Variants in FYB1 observed in about 807,000 individuals in gnomAD.
FYB1 encodes FYN binding protein 1.
A neutral mutation model predicts 94.1 loss-of-function variants in FYB1; 41 were observed. That is an observed-to-expected ratio of 0.44 (90% CI 0.34 to 0.57). FYB1 has a LOEUF of 0.57. FYB1 is among the 20% of genes least tolerant of loss of function. The pLI is 0.02. For missense variants in FYB1, 1,050 were observed against 976.8 expected (o/e 1.07, Z -1.00); for synonymous variants, 367 against 353.2 (o/e 1.04, Z -0.44).
chr5:39,189,648 G>A (rs941958957), intron 2 of FYB1, among the ~76,000 whole-genome samples: 1 of 152,050 alleles, frequency 6.6e-6, no homozygotes, highest in African/African-American at 2.4e-5. Context: ...AAAGAAATGA[G>A]GAAAAGAAAA....
intron 2 of FYB1, among the ~76,000 whole-genome samples, chr5:39,180,299 A>C (rs534789359): frequency 6.6e-6 from 1 of 152,240 alleles, no homozygotes; most frequent in African/African-American, 2.4e-5. Flanking sequence ...GAGTGTTTCT[A>C]CTCAAGCCTT....
At chr5:39,140,947 A>T in intron 4 of FYB1, 148 bp downstream of exon 4, 2 of 622,748 alleles carry the variant, frequency 3.2e-6, no homozygotes, top group Non-Finnish European at 5.8e-6. Flanking sequence ...AGTCATGAGG[A>T]TAAGAGGGAA....
At chr5:39,143,492 T>C (rs1742368985) in intron 3 of FYB1, among the ~76,000 whole-genome samples, 1 of 152,264 alleles carries the variant, frequency 6.6e-6, no homozygotes, top group Non-Finnish European at 1.5e-5. Context: ...GTCAGTGTCC[T>C]GGTAATCAGA....
chr5:39,127,955 A>AT, intron 10 of FYB1, 148 bp from the exon 11 acceptor site: 1 of 769,046 alleles, frequency 1.3e-6, no homozygotes, highest in Non-Finnish European at 1.9e-6. Flanking sequence ...CACTTTGTTG[A>AT]TTATTTTATA....
At chr5:39,138,613 T>C in intron 6 of FYB1, 44 bp downstream of exon 6, 1 of 1,239,836 alleles carries the variant, frequency 8.1e-7, no homozygotes, top group Non-Finnish European at 1.2e-6. Flanking sequence ...AACATTATAT[T>C]CATCTTTGAA....
At position 39,227,823 on chromosome 5, in the gene FYB1, T is replaced by A. The variant is rs139869329; in HGVS notation, c.-27-24836A>T. Among the ~76,000 whole-genome samples the A allele has an allele frequency of 2.7e-3, 416 of 152,276 alleles. 2 individuals are homozygous for A. The highest frequency in any genetic ancestry group is 0.01 in the Middle Eastern group (3 of 294). On this transcript the variant is annotated intron_variant, in intron 1 of 1. Transcript: ENST00000510188. Reference sequence around the variant, plus strand: ...ATAACACGCATAAAGCTTTCCTTCATCAGGCCTCATTGAGTCATGAGCTTT... The same window carrying A: ...ATAACACGCATAAAGCTTTCCTTCAACAGGCCTCATTGAGTCATGAGCTTT...
At chr5:39,208,471 G>A (rs1749053770) in intron 1 of FYB1, among the ~76,000 whole-genome samples, 1 of 152,086 alleles carries the variant, frequency 6.6e-6, no homozygotes, top group African/African-American at 2.4e-5. Flanking sequence ...TTTATTGTTA[G>A]TTATGTTGAG....
At chr5:39,226,681 T>C (rs1444754298) in intron 1 of FYB1, among the ~76,000 whole-genome samples, 1 of 152,242 alleles carries the variant, frequency 6.6e-6, no homozygotes, top group Admixed American at 6.5e-5. Flanking sequence ...TTCACTTTCT[T>C]ATTTTCATGG....
chr5:39,196,344 G>A (rs1747837466), intron 2 of FYB1, among the ~76,000 whole-genome samples: 2 of 151,752 alleles, frequency 1.3e-5, no homozygotes, highest in African/African-American at 4.8e-5. Flanking sequence ...GAGTAGCTGG[G>A]AGGTGCGCAC....
upstream of FYB1, among the ~76,000 whole-genome samples, chr5:39,223,959 T>A (rs527988847): frequency 5.1e-4 from 78 of 152,342 alleles, no homozygotes; most frequent in Non-Finnish European, 9.0e-4. Context: ...TATCCTGTGC[T>A]GTCTGCTCAG....
rs758042044 is a variant in FYB1 at position 39,202,978 on chromosome 5, C to A, written c.-18G>T. The A allele has an allele frequency of 6.2e-7, 1 of 1,612,904 alleles. No individual in the cohort carries two copies. The highest frequency in any genetic ancestry group is 8.5e-7 in the Non-Finnish European group (1 of 1,179,684). ...TTCGCCATGAGGGACTTTACATCTG[C>A]CTTTCCATCCTACAAACATAGGGAA... On this transcript the variant is annotated 5_prime_UTR_variant, in exon 2 of 19. Transcript: ENST00000512982.
upstream of FYB1, chr5:39,219,733 C>A (rs746917678): frequency 5.0e-5 from 16 of 322,924 alleles, no homozygotes; most frequent in South Asian, 1.2e-4. Flanking sequence ...AGCCTGGATA[C>A]TTCTGCTAAC....
chr5:39,227,455 A>G (rs1435762813), intron 1 of FYB1, among the ~76,000 whole-genome samples: 2 of 151,472 alleles, frequency 1.3e-5, no homozygotes, highest in Admixed American at 1.3e-4. Flanking sequence ...CTTGTATTCA[A>G]GTGGCTTAGG....
chr5:39,187,768 A>C (rs1448024557), intron 2 of FYB1, among the ~76,000 whole-genome samples: 1 of 151,870 alleles, frequency 6.6e-6, no homozygotes, highest in Admixed American at 6.6e-5. Context: ...AGTTATTCAG[A>C]TTTTCAAAGT....
At position 39,271,897 on chromosome 5, in the gene FYB1, A is replaced by G. The variant is rs148765573; in HGVS notation, c.-28+2506T>C. The stretch of plus-strand genomic sequence containing the variant: ...AGGAAGAGCAAAGCAAGAGCGAGGT[A>G]TGGGACCCAGGCATACTTTTAAGTA... On this transcript the variant is annotated intron_variant, in intron 1 of 1. Transcript: ENST00000510188. 3.2e-3 allele frequency among the ~76,000 whole-genome samples: 488 copies of G among 152,312 alleles called. 4 individuals are homozygous for G. The highest frequency in any genetic ancestry group is 0.011 in the African/African-American group (441 of 41,578).
intron 3 of FYB1, among the ~76,000 whole-genome samples, chr5:39,147,697 C>CTTTTTTTTTTTTTTTTT (rs548956747): frequency 1.6e-5 from 2 of 125,466 alleles, no homozygotes; most frequent in Non-Finnish European, 1.7e-5. Flanking sequence ...TCCACCTTGT[C>CTTTTTTTTTTTTTTTTT]TTTTTTTTTT....
chr5:39,134,146 A>C (rs1741446664), intron 9 of FYB1, 62 bp downstream of exon 9: 2 of 1,307,140 alleles, frequency 1.5e-6, no homozygotes, highest in Non-Finnish European at 2.1e-6. Context: ...TAGGATCTTA[A>C]TATACAAAAT....
intron 1 of FYB1, among the ~76,000 whole-genome samples, chr5:39,230,876 CACAT>C (rs1263804177): frequency 3.9e-5 from 5 of 128,478 alleles, no homozygotes; most frequent in South Asian, 5.2e-4. Context: ...CACACACACA[CACAT>C]ATATATACAC....
chr5:39,202,416 G>A lies in FYB1; in HGVS notation c.545C>T (p.Ser182Leu), dbSNP rs757419118. The change falls in exon 2 of 19, where the codon TCA becomes TTA. Residue 182 changes from serine (S) to leucine (L), a missense_variant. By Grantham distance (145) the Ser-to-Leu change is moderately radical. Coordinates refer to ENST00000512982, the MANE Select transcript of FYB1 (RefSeq NM_001465.6). The part of the protein sequence containing the change: ...KLTGVKGKFM[S>L]ASQDLEPKPL... Reference sequence around the variant, plus strand: ...CTTGGGTTCAAGATCTTGTGATGCTGACATAAATTTCCCTTTAACCCCAGT... The same window carrying A: ...CTTGGGTTCAAGATCTTGTGATGCTAACATAAATTTCCCTTTAACCCCAGT... The A allele has an allele frequency of 6.2e-7, 1 of 1,613,736 alleles. No homozygotes were observed. Among genetic ancestry groups the A allele is most frequent in the South Asian group, 1.1e-5 (1 of 91,066 alleles).
Sources: allele counts gnomAD v4.1 joint callset (sites outside exome capture counted in the v4.1 genomes callset), GRCh38; gene constraint gnomAD v4.1.1; transcripts MANE v1.5; gene names NCBI Gene and HGNC (gene_info 2026-07-23, HGNC 2026-07-21).